Variants in YWHAG observed in about 807,000 individuals in gnomAD.
YWHAG encodes tyrosine 3-monooxygenase/tryptophan 5-monooxygenase activation protein gamma.
A neutral mutation model predicts 23.3 loss-of-function variants in YWHAG; 1 was observed. The ratio of observed to expected loss-of-function variants is 0.04; its 90% CI spans 0.02 to 0.20. YWHAG has a LOEUF of 0.20. Ranked by LOEUF, YWHAG falls within the 10% of genes least tolerant of loss-of-function variation. YWHAG has a pLI of 1.00. For synonymous variants in YWHAG, 160 were observed against 144.0 expected (o/e 1.11, Z -0.80); for missense variants, 151 against 338.6 (o/e 0.45, Z 4.35).
At position 76,330,126 on chromosome 7, in the gene YWHAG, G is replaced by A. The variant is rs1454843720; in HGVS notation, c.195C>T (p.Ser65=). 1 of 1,614,060 alleles carries A rather than the reference G, an allele frequency of 6.2e-7. No homozygotes were observed. Among genetic ancestry groups the A allele is most frequent in the Admixed American group, 1.7e-5 (1 of 60,016 alleles). ...CGTCTGCAGATGTCTTCTGCTCAAT[G>A]CTACTGATGACCCTCCAGGAAGAGC... ...ARRSSWRVIS[S]IEQKTSADGN... The change falls in exon 2 of 2, where the codon AGC becomes AGT. Residue 65 remains serine (S), a synonymous_variant. Transcript: ENST00000307630.
intron 1 of YWHAG, among the ~76,000 whole-genome samples, chr7:76,357,192 A>T (rs1010818161): frequency 6.6e-6 from 1 of 152,236 alleles, no homozygotes; most frequent in African/African-American, 2.4e-5. Flanking sequence ...TCCGAATTTC[A>T]GAATCAGTTC....
chr7:76,348,160 T>C (rs777205364), intron 1 of YWHAG, among the ~76,000 whole-genome samples: 1 of 151,906 alleles, frequency 6.6e-6, no homozygotes, highest in Non-Finnish European at 1.5e-5. Context: ...GAACATATGC[T>C]AAAATTAATT....
chr7:76,358,556 C>G (rs1235597661), intron 1 of YWHAG, among the ~76,000 whole-genome samples, 166 bp downstream of exon 1: 19 of 152,202 alleles, frequency 1.2e-4, no homozygotes. Context: ...CGCGTCACAG[C>G]CCGGGTTCCC....
chr7:76,358,462 G>C (rs1803996064), intron 1 of YWHAG, among the ~76,000 whole-genome samples: 1 of 152,238 alleles, frequency 6.6e-6, no homozygotes, highest in Non-Finnish European at 1.5e-5. Context: ...CCCAAGTCCA[G>C]CCCCGCGGGA....
At chr7:76,345,479 C>T (rs1469567515) in intron 1 of YWHAG, among the ~76,000 whole-genome samples, 3 of 151,894 alleles carry the variant, frequency 2.0e-5, no homozygotes, top group Non-Finnish European at 2.9e-5. Flanking sequence ...AGCCACCGTA[C>T]CTGGCCAAGC....
chr7:76,329,985 G>A lies in YWHAG; in HGVS notation c.336C>T (p.Cys112=). 1 of 1,614,142 alleles carries A rather than the reference G, an allele frequency of 6.2e-7. No individual in the cohort carries two copies. Among genetic ancestry groups the A allele is most frequent in the Non-Finnish European group, 8.5e-7 (1 of 1,180,028 alleles). ...SLLDNYLIKN[C]SETQYESKVF... ...CTTTGCTCTCGTACTGGGTCTCGCT[G>A]CAATTCTTGATCAGGTAGTTATCCA... Residue 112 remains cysteine, a synonymous_variant, in exon 2 of 2, where the codon TGC becomes TGT. Coordinates refer to ENST00000307630, the MANE Select transcript of YWHAG (RefSeq NM_012479.4). This position sits in a 1 kb window ranked among gnomAD's most constrained non-coding sequence, Gnocchi z 6.1.
At chr7:76,337,931 G>A (rs1485256170) in intron 1 of YWHAG, among the ~76,000 whole-genome samples, 1 of 152,164 alleles carries the variant, frequency 6.6e-6, no homozygotes, top group Non-Finnish European at 1.5e-5. Flanking sequence ...AAGCCTGGAG[G>A]CAGTCTTGGG....
Position 76,357,040 on chromosome 7 carries a change from T to C in YWHAG, c.87+1682A>G, listed in dbSNP as rs1803971943. ...TCGCTTTCCTGTGGAACTAGAAATATGGAAAAGAAATATGGAAAAATTATA... is the reference window on the plus strand; with the variant it reads ...TCGCTTTCCTGTGGAACTAGAAATACGGAAAAGAAATATGGAAAAATTATA... On this transcript the variant is annotated intron_variant, in intron 1 of 1. Transcript: ENST00000307630. 2.0e-5 allele frequency among the ~76,000 whole-genome samples: 3 copies of C among 151,720 alleles called. No homozygotes were observed. In the South Asian group the frequency reaches 6.2e-4, roughly 31 times the overall value.
At chr7:76,344,697 T>G (rs1487424282) in intron 1 of YWHAG, among the ~76,000 whole-genome samples, 2 of 152,174 alleles carry the variant, frequency 1.3e-5, no homozygotes, top group Non-Finnish European at 2.9e-5. Context: ...ACCACTTCCA[T>G]TATCCCAAGG....
intron 1 of YWHAG, among the ~76,000 whole-genome samples, chr7:76,338,816 G>T (rs1803651416): frequency 6.6e-6 from 1 of 152,156 alleles, no homozygotes; most frequent in Non-Finnish European, 1.5e-5. Flanking sequence ...TGACGGTGTG[G>T]GTAACAGGCA....
At chr7:76,350,917 A>C (rs1357107303) in intron 1 of YWHAG, among the ~76,000 whole-genome samples, 1 of 152,182 alleles carries the variant, frequency 6.6e-6, no homozygotes, top group Non-Finnish European at 1.5e-5. Flanking sequence ...CCCACACATC[A>C]ATATTATTTA....
intron 1 of YWHAG, among the ~76,000 whole-genome samples, chr7:76,354,225 T>G (rs1377668592): frequency 6.6e-6 from 1 of 152,038 alleles, no homozygotes; most frequent in African/African-American, 2.4e-5. Context: ...AAAGTGGTCC[T>G]TGAGGCTGGG....
chr7:76,336,547 C>T (rs1254992262), intron 1 of YWHAG, among the ~76,000 whole-genome samples: 6 of 150,866 alleles, frequency 4.0e-5, no homozygotes, highest in South Asian at 2.1e-4. Context: ...CCTCTACTTC[C>T]GGGTTCAAGT....
chr7:76,336,520 A>G (rs376730759), intron 1 of YWHAG, among the ~76,000 whole-genome samples: 56 of 144,298 alleles, frequency 3.9e-4, no homozygotes, highest in Admixed American at 1.1e-3. Flanking sequence ...TGATGGCACG[A>G]TCTAGGCTCA....
intron 1 of YWHAG, among the ~76,000 whole-genome samples, chr7:76,335,299 G>A (rs774499790): frequency 6.6e-6 from 1 of 152,014 alleles, no homozygotes; most frequent in African/African-American, 2.4e-5. Context: ...CTTGTGATCC[G>A]CCCGCCTCGG....
chr7:76,348,665 A>C (rs1410503081), intron 1 of YWHAG, among the ~76,000 whole-genome samples: 1 of 151,820 alleles, frequency 6.6e-6, no homozygotes, highest in Non-Finnish European at 1.5e-5. Flanking sequence ...CAGCCTCCCA[A>C]AGTGCTGGGA....
intron 1 of YWHAG, among the ~76,000 whole-genome samples, chr7:76,341,404 CA>C (rs1158151013): frequency 0.011 from 508 of 44,612 alleles, no homozygotes; most frequent in African/African-American, 0.025. Context: ...ACTCTTGCCT[CA>C]AAAAAAAAAA....
In YWHAG at chr7:76,355,411, T is replaced by C. The variant is rs141227147; in HGVS notation, c.87+3311A>G. Among the ~76,000 whole-genome samples the C allele has an allele frequency of 2.5e-3, 374 of 152,274 alleles. 1 individual carries two copies. The highest frequency in any genetic ancestry group is 8.3e-3 in the African/African-American group (345 of 41,534). ...AGTAGAATTCAAAAAACACATAGAT[T>C]TCCAAAATAATCAGAAAAAGCACTT... is the stretch of plus-strand genomic sequence containing the variant. On this transcript the variant is annotated intron_variant, in intron 1 of 1. Coordinates refer to ENST00000307630, the MANE Select transcript of YWHAG (RefSeq NM_012479.4).
intron 1 of YWHAG, among the ~76,000 whole-genome samples, chr7:76,343,555 T>G (rs6465096): frequency 0.65 from 98,393 of 152,068 alleles, 33,609 homozygotes; most frequent in East Asian, 0.94. Flanking sequence ...GATGTACCCA[T>G]CTGAGATTGT....
Sources: gnomAD v4.1 joint callset for allele counts (sites outside exome capture counted in the v4.1 genomes callset) on GRCh38, gnomAD v4.1.1 for gene constraint, Gnocchi (gnomAD v3.1) non-coding constraint, MANE v1.5 for transcripts, NCBI Gene and HGNC (gene_info 2026-07-23, HGNC 2026-07-21) for gene names.